Variants in RYR3 observed in about 807,000 individuals in gnomAD.
RYR3 encodes ryanodine receptor 3.
Under a neutral mutation model 584.3 loss-of-function variants are expected in RYR3, and 207 were observed. The ratio of observed to expected loss-of-function variants is 0.35; its 90% CI spans 0.32 to 0.40. The LOEUF is 0.40. Ranked by LOEUF, RYR3 falls within the 10% of genes least tolerant of loss-of-function variation. The probability of loss-of-function intolerance (pLI) is 1.00; values close to 1 mark genes in which losing one functional copy is unlikely to be tolerated. For synonymous variants in RYR3, 2,416 were observed against 2,248.5 expected (o/e 1.07, Z -2.11); for missense variants, 5,616 against 6,089.2 (o/e 0.92, Z 2.59).
chr15:33,509,655 A>T (rs2142858711), intron 3 of RYR3, among the ~76,000 whole-genome samples: 1 of 152,324 alleles, frequency 6.6e-6, no homozygotes, highest in South Asian at 2.1e-4. Context: ...TTATATTGTG[A>T]TGTAAGTCCT....
At position 33,563,004 on chromosome 15, in the gene RYR3, A is replaced by G. The variant is rs1341580535; in HGVS notation, c.1140A>G (p.Lys380=). The change falls in exon 11 of 104, where the codon AAA becomes AAG. Residue 380 remains lysine, a synonymous_variant. Transcript: ENST00000634891. Reference sequence around the variant, plus strand: ...AAACTTCCCGCCTGGGACCTCTAAAAAGAAAGGTGAGAGTCAGAATATCTG... The same window carrying G: ...AAACTTCCCGCCTGGGACCTCTAAAGAGAAAGGTGAGAGTCAGAATATCTG... ...DAKTSRLGPL[K]RKVILHQEGH... is the part of the protein sequence containing the mutation. 1.2e-6 allele frequency: 2 copies of G among 1,608,360 alleles called. No individual in the cohort carries two copies. The highest frequency in any genetic ancestry group is 2.7e-5 in the African/African-American group (2 of 74,678).
At chr15:33,725,976 C>CCCGCCCAAAA (rs1555427643) in intron 45 of RYR3, among the ~76,000 whole-genome samples, 1 of 31,522 alleles carries the variant, frequency 3.2e-5, no homozygotes, top group Non-Finnish European at 5.9e-5. Context: ...TCCCCCCCCC[C>CCCGCCCAAAA]AAAAAAAAAA....
At chr15:33,632,206 A>G (rs539552619) in intron 23 of RYR3, among the ~76,000 whole-genome samples, 1 of 152,326 alleles carries the variant, frequency 6.6e-6, no homozygotes, top group South Asian at 2.1e-4. Context: ...TCACTGTTGG[A>G]TTCTGGCCCT....
At chr15:33,458,903 T>C (rs192060705) in intron 1 of RYR3, among the ~76,000 whole-genome samples, 21 of 152,332 alleles carry the variant, frequency 1.4e-4, no homozygotes, top group Non-Finnish European at 2.5e-4. Flanking sequence ...TACCTGATCT[T>C]TCCCACCACT....
chr15:33,439,021 A>T (rs1316225884), intron 1 of RYR3, among the ~76,000 whole-genome samples: 1 of 152,168 alleles, frequency 6.6e-6, no homozygotes. Context: ...AGTAACTTGA[A>T]GTTCAAAATG....
At chr15:33,437,959 C>T (rs921232409) in intron 1 of RYR3, among the ~76,000 whole-genome samples, 1 of 152,130 alleles carries the variant, frequency 6.6e-6, no homozygotes, top group Non-Finnish European at 1.5e-5. Context: ...CTGGCGTCAG[C>T]ATTCCACCTG....
intron 19 of RYR3, among the ~76,000 whole-genome samples, chr15:33,615,444 C>G (rs1379889997): frequency 6.6e-6 from 1 of 152,156 alleles, no homozygotes; most frequent in Admixed American, 6.5e-5. Context: ...TGGTACTCAA[C>G]CTTTGGAATT....
intron 1 of RYR3, among the ~76,000 whole-genome samples, chr15:33,430,626 G>A (rs757995742): frequency 6.6e-6 from 1 of 152,178 alleles, no homozygotes; most frequent in Admixed American, 6.5e-5. Context: ...ATTTGGTGGC[G>A]ATGTGGGTTT....
chr15:33,792,355 C>T (rs145706378), intron 67 of RYR3, among the ~76,000 whole-genome samples: 1 of 152,236 alleles, frequency 6.6e-6, no homozygotes, highest in African/African-American at 2.4e-5. Flanking sequence ...AGGCCTCTCC[C>T]CCAACCCGAG....
chr15:33,813,364 A>G lies in RYR3; in HGVS notation c.10390-103A>G, dbSNP rs2076646993. The G allele has an allele frequency of 3.9e-6, 4 of 1,018,920 alleles. No homozygotes were observed. In the South Asian group the frequency reaches 5.7e-5, roughly 15 times the overall value. The allele number at this position is 1,018,920 out of a possible 1,614,324, so 63.1% of individuals were successfully genotyped here. ...TGCATTTTGCTAACTACAGTTGAGA[A>G]GCCAAAATTCTTCCAGAATGAAGAA... On this transcript the variant is annotated intron_variant, in intron 73 of 103. Transcript: ENST00000634891.
rs1344376990 is a variant in RYR3, at chr15:33,602,159, G to A, written c.1922+607G>A. Among the ~76,000 whole-genome samples, 4 of 152,322 alleles carry A rather than the reference G, an allele frequency of 2.6e-5. No individual in the cohort carries two copies. In the East Asian group the frequency reaches 7.7e-4, roughly 29 times the overall value. ...CCTACACACTAATCCACAATGGCAA[G>A]AATAGAATCTTCCCTCTGAAGTGCA... On this transcript the variant is annotated intron_variant, in intron 17 of 103. Transcript: ENST00000634891.
At chr15:33,556,874 T>A (rs967092) in intron 10 of RYR3, among the ~76,000 whole-genome samples, 20,142 of 152,024 alleles carry the variant, frequency 0.13, 4,165 homozygotes, top group African/African-American at 0.44. Context: ...AAACTCCAAT[T>A]GTACTCTGAA....
chr15:33,419,863 T>C (rs1248327426), intron 1 of RYR3, among the ~76,000 whole-genome samples: 1 of 152,162 alleles, frequency 6.6e-6, no homozygotes, highest in Non-Finnish European at 1.5e-5. Context: ...AAAATCCCCA[T>C]GTAACTTTAC....
intron 60 of RYR3, among the ~76,000 whole-genome samples, chr15:33,758,833 C>T (rs55633458): frequency 0.014 from 2,103 of 152,316 alleles, 28 homozygotes; most frequent in Middle Eastern, 0.027. Flanking sequence ...CCCTGAGCCC[C>T]GTGCCTCCTG....
chr15:33,789,969 C>A (rs911289740), intron 67 of RYR3, among the ~76,000 whole-genome samples: 5 of 140,334 alleles, frequency 3.6e-5, no homozygotes, highest in Admixed American at 7.2e-5. Flanking sequence ...CAGGCGTGAG[C>A]CACCACGCCT....
intron 38 of RYR3, among the ~76,000 whole-genome samples, chr15:33,682,662 A>G (rs2064711085): frequency 6.6e-6 from 1 of 152,232 alleles, no homozygotes; most frequent in African/African-American, 2.4e-5. Context: ...ATTTCTCATC[A>G]GAAAACATGT....
intron 30 of RYR3, 75 bp from the exon 31 acceptor site, chr15:33,648,997 C>T: frequency 6.9e-7 from 1 of 1,447,656 alleles, no homozygotes; most frequent in Non-Finnish European, 9.4e-7. Context: ...TGTGTTATTT[C>T]TGCCTCTTGG....
intron 38 of RYR3, 93 bp from the exon 39 acceptor site, chr15:33,696,125 G>T: frequency 1.6e-6 from 2 of 1,231,162 alleles, no homozygotes; most frequent in East Asian, 2.4e-5. Context: ...CTCAACCAAT[G>T]ATGTGTCTTC....
At chr15:33,550,931 C>T (rs892084566) in intron 10 of RYR3, among the ~76,000 whole-genome samples, 1 of 152,158 alleles carries the variant, frequency 6.6e-6, no homozygotes, top group African/African-American at 2.4e-5. Context: ...TAGTTTTCTC[C>T]CATCCATCCC....
Sources: allele counts gnomAD v4.1 joint callset (sites outside exome capture counted in the v4.1 genomes callset), GRCh38; gene constraint gnomAD v4.1.1; transcripts MANE v1.5; gene names NCBI Gene and HGNC (gene_info 2026-07-23, HGNC 2026-07-21).